LARGE1: variants seen among roughly 807,000 people sequenced by gnomAD.
LARGE1 encodes the protein xylosyl- and glucuronyltransferase LARGE1.
Under a neutral mutation model 87.6 loss-of-function variants are expected in LARGE1, and 43 were observed. The observed-to-expected ratio is 0.49, with a 90% CI of 0.38 to 0.63. The LOEUF is 0.63. LARGE1 is among the 30% of genes least tolerant of loss of function. LARGE1 has a pLI of 0.00. For missense variants in LARGE1, 802 were observed against 1,000.2 expected, an observed-to-expected ratio of 0.80 and a Z score of 2.67; for synonymous variants, 434 against 394.6, an observed-to-expected ratio of 1.10 and a Z score of -1.18.
chr22:33,315,628 CT>C (rs1332223725), intron 11 of LARGE1, among the ~76,000 whole-genome samples: 1 of 151,030 alleles, frequency 6.6e-6, no homozygotes, highest in East Asian at 1.9e-4. Flanking sequence ...TATCAGTACT[CT>C]TTTTTTTTCT....
At chr22:33,445,390 G>GA (rs374637295) in intron 6 of LARGE1, among the ~76,000 whole-genome samples, 4 of 152,328 alleles carry the variant, frequency 2.6e-5, no homozygotes, top group African/African-American at 9.6e-5. Flanking sequence ...CCAGAATGCT[G>GA]AAAGGTGGGA....
chr22:33,744,902 A>G (rs1180686820), intron 2 of LARGE1, among the ~76,000 whole-genome samples: 1 of 152,216 alleles, frequency 6.6e-6, no homozygotes, highest in Non-Finnish European at 1.5e-5. Context: ...AAGTTTCTCA[A>G]CATCCTGCAC....
In LARGE1 at chr22:33,626,390, AG is replaced by A. The variant is rs68171942; in HGVS notation, c.409-65del. 0.066 allele frequency: 84,131 copies of A among 1,281,798 alleles called. 3,184 individuals carry two copies. The highest frequency in any genetic ancestry group is 0.096 in the African/African-American group (6,734 of 69,822). The allele number at this position is 1,281,798 out of a possible 1,614,324, so 79.4% of individuals were successfully genotyped here. On this transcript the variant is annotated intron_variant, in intron 3 of 14. Coordinates refer to ENST00000397394, the MANE Select transcript of LARGE1 (RefSeq NM_133642.5). ...CGGAAGGAGGCCTTCCTGGTGCTTCAGATCACACTAGAAAGAAAAATTGCCC... is the reference window on the plus strand; with the variant it reads ...CGGAAGGAGGCCTTCCTGGTGCTTCAATCACACTAGAAAGAAAAATTGCCC...
chr22:33,810,502 T>C (rs1285645989), intron 1 of LARGE1, among the ~76,000 whole-genome samples: 1 of 152,226 alleles, frequency 6.6e-6, no homozygotes, highest in Non-Finnish European at 1.5e-5. Flanking sequence ...AGAACTTCTC[T>C]GCCCCAGAAC....
intron 11 of LARGE1, among the ~76,000 whole-genome samples, chr22:33,202,354 G>A (rs927774289): frequency 6.6e-5 from 10 of 152,046 alleles, no homozygotes; most frequent in Admixed American, 1.3e-4. Flanking sequence ...AGTGCTTCCC[G>A]GGGTGGACAG....
At chr22:33,683,774 A>ATT (rs1282049803) in intron 2 of LARGE1, among the ~76,000 whole-genome samples, 3 of 152,220 alleles carry the variant, frequency 2.0e-5, no homozygotes, top group African/African-American at 7.2e-5. Context: ...TCTGCCAGTC[A>ATT]GGGTCCATTG....
chr22:33,388,961 C>A (rs909854035), intron 7 of LARGE1, among the ~76,000 whole-genome samples: 11 of 152,348 alleles, frequency 7.2e-5, no homozygotes, highest in Non-Finnish European at 1.5e-4. Context: ...TGGAAACACA[C>A]ATAAGACACG....
chr22:33,877,748 C>A (rs1269582941), intron 1 of LARGE1, among the ~76,000 whole-genome samples: 1 of 151,904 alleles, frequency 6.6e-6, no homozygotes, highest in East Asian at 1.9e-4. Flanking sequence ...CATGGTGAAA[C>A]CGTGTCTCTA....
At chr22:33,734,955 T>C (rs1185413934) in intron 2 of LARGE1, among the ~76,000 whole-genome samples, 2 of 152,202 alleles carry the variant, frequency 1.3e-5, no homozygotes, top group Non-Finnish European at 2.9e-5. Context: ...AACATGTTCC[T>C]GGAACTTGGA....
At chr22:33,240,676 A>G (rs5998826) in intron 11 of LARGE1, among the ~76,000 whole-genome samples, 2 of 152,230 alleles carry the variant, frequency 1.3e-5, no homozygotes, top group Non-Finnish European at 2.9e-5. Flanking sequence ...ACATTTTAAA[A>G]TAAACTTGTT....
chr22:33,196,165 C>T (rs910322209), intron 11 of LARGE1, among the ~76,000 whole-genome samples: 1 of 145,446 alleles, frequency 6.9e-6, no homozygotes, highest in African/African-American at 2.5e-5. Flanking sequence ...AAACCGGTAT[C>T]AACAAACTGA....
At chr22:33,800,000 G>T (rs879731544) in intron 1 of LARGE1, among the ~76,000 whole-genome samples, 1 of 152,132 alleles carries the variant, frequency 6.6e-6, no homozygotes, top group Non-Finnish European at 1.5e-5. Flanking sequence ...GCTGTCCCAC[G>T]CACTTATGGC....
intron 12 of LARGE1, among the ~76,000 whole-genome samples, chr22:33,290,996 A>G (rs1569019357): frequency 6.6e-6 from 1 of 151,412 alleles, no homozygotes; most frequent in Non-Finnish European, 1.5e-5. Flanking sequence ...CTGAGATTGC[A>G]CCACTGCACT....
chr22:33,397,716 T>C (rs182250333), intron 7 of LARGE1, among the ~76,000 whole-genome samples: 12 of 152,348 alleles, frequency 7.9e-5, no homozygotes, highest in South Asian at 2.1e-4. Flanking sequence ...TTCCAGGTCA[T>C]TGAGTGTGCA....
At chr22:33,074,372 A>G in the LARGE1 span, among the ~76,000 whole-genome samples, 1 of 152,146 alleles carries the variant, frequency 6.6e-6, no homozygotes, top group African/African-American at 2.4e-5. Flanking sequence ...AGAAAAATAA[A>G]TATGTAAAAG....
intron 11 of LARGE1, among the ~76,000 whole-genome samples, chr22:33,190,266 G>T (rs1425248791): frequency 2.6e-5 from 4 of 152,090 alleles, no homozygotes; most frequent in Admixed American, 2.0e-4. Context: ...TTACTCCCCA[G>T]CCTTCTTAAT....
At chr22:33,561,608 T>C (rs916090069) in intron 6 of LARGE1, among the ~76,000 whole-genome samples, 13 of 152,172 alleles carry the variant, frequency 8.5e-5, no homozygotes, top group African/African-American at 3.1e-4. Flanking sequence ...GTCCCAACAG[T>C]AAGCTATTTG....
rs1169579624 is a variant in LARGE1 at position 33,273,751 on chromosome 22, C to G, written c.*676G>C. The G allele has an allele frequency of 2.5e-6, 1 of 398,406 alleles. No homozygotes were observed. The highest frequency in any genetic ancestry group is 4.4e-6 in the Non-Finnish European group (1 of 226,830). 24.7% of individuals were successfully genotyped at this position (398,406 alleles called of 1,614,324 possible). ...GGCAGCTGATTTTCCTTTAGAGCCT[C>G]AAAGGATCAGATTTTCTATTTTGGA... On this transcript the variant is annotated 3_prime_UTR_variant, in exon 15 of 15. Transcript: ENST00000397394.
chr22:33,680,121 G>A (rs2149297640), intron 2 of LARGE1, among the ~76,000 whole-genome samples: 1 of 152,230 alleles, frequency 6.6e-6, no homozygotes, highest in South Asian at 2.1e-4. Context: ...TGTGCTTCAG[G>A]TCATACATCC....
Sources: gnomAD v4.1 joint callset for allele counts (sites outside exome capture counted in the v4.1 genomes callset) on GRCh38, gnomAD v4.1.1 for gene constraint, MANE v1.5 for transcripts, NCBI Gene and HGNC (gene_info 2026-07-23, HGNC 2026-07-21) for gene names.